The following TJP2 variants were observed in gnomAD, a reference collection of about 807,000 sequenced individuals.
TJP2 encodes tight junction protein 2, also known as Friedreich ataxia region gene X104 (tight junction protein ZO-2).
A neutral mutation model predicts 133.1 loss-of-function variants in TJP2; 91 were observed. That is an observed-to-expected ratio of 0.68 (90% CI 0.58 to 0.81). TJP2 has a LOEUF of 0.81. Ranked by LOEUF, TJP2 falls within the 40% of genes least tolerant of loss-of-function variation. The pLI is 0.00. For missense variants in TJP2, 1,541 were observed against 1,565.6 expected (o/e 0.98, Z 0.26); for synonymous variants, 592 against 583.4 (o/e 1.01, Z -0.21).
At chr9:69,204,943 G>A in intron 1 of TJP2, 2 of 1,291,562 alleles carry the variant, frequency 1.5e-6, no homozygotes, top group Non-Finnish European at 2.0e-6. Context: ...TGTTGAAGTG[G>A]TGCAAATCCA....
At chr9:69,228,734 A>G (rs979200407) in intron 9 of TJP2, among the ~76,000 whole-genome samples, 4 of 152,284 alleles carry the variant, frequency 2.6e-5, no homozygotes, top group Middle Eastern at 6.8e-3. Context: ...AATATAAAAT[A>G]ATAGCCTTGT....
intron 11 of TJP2, among the ~76,000 whole-genome samples, chr9:69,232,672 A>G (rs747933939): frequency 2.6e-5 from 4 of 152,252 alleles, no homozygotes; most frequent in African/African-American, 9.6e-5. Flanking sequence ...TTCCTTATCA[A>G]TAATGGAGAT....
At chr9:69,158,269 A>G (rs1823875478) in intron 2 of TJP2, among the ~76,000 whole-genome samples, 1 of 132,724 alleles carries the variant, frequency 7.5e-6, no homozygotes, top group East Asian at 2.7e-4. Flanking sequence ...TGGAGGTTGC[A>G]GTGAGCCTAG....
intron 1 of TJP2, among the ~76,000 whole-genome samples, chr9:69,124,115 C>T (rs563326808): frequency 2.7e-5 from 2 of 75,270 alleles, no homozygotes; most frequent in East Asian, 4.0e-4. Context: ...CTCCTGACCT[C>T]GTGATCCGCC....
intron 17 of TJP2, among the ~76,000 whole-genome samples, chr9:69,243,097 C>T (rs915061224): frequency 3.9e-5 from 6 of 152,124 alleles, no homozygotes; most frequent in African/African-American, 1.2e-4. Flanking sequence ...CCCCTGGGCT[C>T]AAGCAATCTG....
At chr9:69,223,371 G>A (rs1829063843) in intron 5 of TJP2, among the ~76,000 whole-genome samples, 1 of 152,124 alleles carries the variant, frequency 6.6e-6, no homozygotes, top group Non-Finnish European at 1.5e-5. Context: ...GCAGTGGCGC[G>A]ATCTCGGCTC....
exon 1 of TJP2, chr9:69,121,473 C>T (rs1437245602): frequency 4.4e-6 from 2 of 453,358 alleles, no homozygotes; most frequent in Non-Finnish European, 5.8e-6. Flanking sequence ...TTCTCTCAAA[C>T]CTCTAAACAG....
chr9:69,224,532 C>T (rs966648395), intron 5 of TJP2, among the ~76,000 whole-genome samples: 5 of 152,050 alleles, frequency 3.3e-5, no homozygotes, highest in African/African-American at 9.7e-5. Flanking sequence ...CAACAATTAG[C>T]TGGGCATGGT....
intron 1 of TJP2, among the ~76,000 whole-genome samples, chr9:69,188,897 G>A (rs1170039946): frequency 6.6e-6 from 1 of 152,114 alleles, no homozygotes; most frequent in Non-Finnish European, 1.5e-5. Context: ...AAAACTTATG[G>A]TTACAAACTC....
Position 69,248,212 on chromosome 9 carries a change from G to A in TJP2, c.2868G>A (p.Val956=). Residue 956 remains valine (V), a synonymous_variant, in exon 19 of 23, where the codon GTG becomes GTA. Transcript: ENST00000377245. ...VSSITRSSEP[V]QHEESIRKPS... The stretch of plus-strand genomic sequence containing the variant: ...CCATCACCCGCTCCTCGGAGCCGGT[G>A]CAGCACGAGGAGGTGAGGCGAGGCA... 1 of 1,601,686 alleles carries A rather than the reference G, an allele frequency of 6.2e-7. No individual in the cohort carries two copies. The highest frequency in any genetic ancestry group is 1.1e-5 in the South Asian group (1 of 89,936).
At chr9:69,131,533 T>C (rs1822496714) in intron 1 of TJP2, among the ~76,000 whole-genome samples, 1 of 152,200 alleles carries the variant, frequency 6.6e-6, no homozygotes, top group Admixed American at 6.6e-5. Context: ...GGATGTAAAA[T>C]ATTTCTCTTG....
chr9:69,162,060 A>C (rs908129129), intron 2 of TJP2, among the ~76,000 whole-genome samples: 9 of 148,840 alleles, frequency 6.0e-5, no homozygotes, highest in Non-Finnish European at 1.2e-4. Context: ...AAATAAATAA[A>C]TAACAGCATA....
intron 1 of TJP2, among the ~76,000 whole-genome samples, chr9:69,129,410 C>T (rs1822390453): frequency 6.6e-6 from 1 of 151,826 alleles, no homozygotes; most frequent in African/African-American, 2.4e-5. Flanking sequence ...ACTCAGGAGG[C>T]TGAGGTGGGA....
rs1470645226 is a variant in TJP2 at position 69,221,179 on chromosome 9, C to T, written c.635C>T (p.Thr212Ile). 6.3e-7 allele frequency: 1 copy of T among 1,598,102 alleles called. No homozygotes were observed. The highest frequency in any genetic ancestry group is 1.3e-5 in the African/African-American group (1 of 74,600). The stretch of plus-strand genomic sequence containing the variant: ...GGCCTGGACCAAGACCATGCGCGCA[C>T]CCGAGACCGCAGCCGTGGCCGGAGC... ...ERGLDQDHAR[T>I]RDRSRGRSLE... Residue 212 changes from threonine (T) to isoleucine (I), a missense_variant, in exon 5 of 23, where the codon ACC (threonine) becomes ATC (isoleucine). Thr to Ile is a moderately conservative substitution (Grantham distance 89). Coordinates refer to ENST00000377245, the MANE Select transcript of TJP2 (RefSeq NM_004817.4).
At chr9:69,217,588 G>A (rs1448037498) in intron 3 of TJP2, among the ~76,000 whole-genome samples, 1 of 152,156 alleles carries the variant, frequency 6.6e-6, no homozygotes, top group Admixed American at 6.6e-5. Context: ...AGGCTAAGGT[G>A]AGAGAATCCT....
At chr9:69,227,657 C>G in intron 7 of TJP2, 108 bp from the exon 8 acceptor site, 1 of 772,500 alleles carries the variant, frequency 1.3e-6, no homozygotes, top group Non-Finnish European at 2.1e-6. Flanking sequence ...TCCTGCCTAC[C>G]TCGTTTCCAT....
At chr9:69,227,927 T>G (rs993055501) in intron 8 of TJP2, 54 bp downstream of exon 8, 5 of 1,613,652 alleles carry the variant, frequency 3.1e-6, no homozygotes, top group Non-Finnish European at 3.4e-6. Flanking sequence ...TACACACATA[T>G]GTATTTATGA....
intron 21 of TJP2, among the ~76,000 whole-genome samples, chr9:69,252,341 A>G (rs1831399138): frequency 1.3e-5 from 2 of 152,010 alleles, no homozygotes; most frequent in African/African-American, 4.8e-5. Context: ...GTACCTTCAC[A>G]TTGCTGTTCA....
At chr9:69,187,131 T>C (rs1825909429) in intron 1 of TJP2, among the ~76,000 whole-genome samples, 1 of 152,236 alleles carries the variant, frequency 6.6e-6, no homozygotes, top group Non-Finnish European at 1.5e-5. Context: ...GCAGTCAGCA[T>C]GCACGGCCTG....
Sources: gnomAD v4.1 joint callset for allele counts (sites outside exome capture counted in the v4.1 genomes callset) on GRCh38, gnomAD v4.1.1 for gene constraint, MANE v1.5 for transcripts, NCBI Gene and HGNC (gene_info 2026-07-23, HGNC 2026-07-21) for gene names.